The following DOCK4 variants were observed in gnomAD, a reference collection of about 807,000 sequenced individuals.
DOCK4 encodes dedicator of cytokinesis 4, also known as dedicator of cytokinesis protein 4.
DOCK4 carries 97 observed loss-of-function variants against 268.1 expected under a neutral mutation model. The observed-to-expected ratio is 0.36, with a 90% confidence interval of 0.31 to 0.43. The LOEUF (loss-of-function observed/expected upper bound fraction) is 0.43, where lower values mean the gene tolerates loss of function less well. DOCK4 is among the 20% of genes least tolerant of loss of function. DOCK4 has a pLI of 1.00. For synonymous variants in DOCK4, 954 were observed against 887.2 expected, an observed-to-expected ratio of 1.08 and a Z score of -1.34; for missense variants, 2,145 against 2,455.7, an observed-to-expected ratio of 0.87 and a Z score of 2.67.
chr7:111,731,168 T>G (rs555116944), intron 52 of DOCK4, among the ~76,000 whole-genome samples: 60 of 152,190 alleles, frequency 3.9e-4, no homozygotes, highest in Non-Finnish European at 7.5e-4. Context: ...AACGAGCAAA[T>G]CACTTGCACT....
chr7:111,746,129 G>A (rs1203873648), intron 44 of DOCK4, among the ~76,000 whole-genome samples: 2 of 152,150 alleles, frequency 1.3e-5, no homozygotes, highest in African/African-American at 4.8e-5. Context: ...GGCTGCCATA[G>A]TCTACTCATT....
chr7:112,051,054 G>A (rs1000076370), intron 1 of DOCK4, among the ~76,000 whole-genome samples: 2 of 152,056 alleles, frequency 1.3e-5, no homozygotes, highest in African/African-American at 4.8e-5. Flanking sequence ...AAAGAAGAGA[G>A]TATTAGGCAC....
chr7:111,944,926 CA>C, intron 9 of DOCK4, 55 bp from the exon 10 acceptor site: 3 of 1,418,050 alleles, frequency 2.1e-6, no homozygotes, highest in Non-Finnish European at 3.0e-6. Flanking sequence ...ACTTAAAGGG[CA>C]TAGCACTTTA....
At chr7:112,081,126 G>A (rs79571195) in intron 1 of DOCK4, among the ~76,000 whole-genome samples, 4,068 of 152,156 alleles carry the variant, frequency 0.027, 205 homozygotes, top group African/African-American at 0.094. Context: ...AGGAAGGCGG[G>A]TAGTGGTGCA....
intron 51 of DOCK4, among the ~76,000 whole-genome samples, chr7:111,734,776 C>T (rs1386439272): frequency 6.6e-6 from 1 of 152,100 alleles, no homozygotes; most frequent in East Asian, 1.9e-4. Context: ...TAGTGGCCTA[C>T]CAAGGTTAGG....
intron 5 of DOCK4, among the ~76,000 whole-genome samples, chr7:111,992,102 T>C (rs192368340): frequency 3.9e-5 from 6 of 152,206 alleles, no homozygotes; most frequent in African/African-American, 1.2e-4. Flanking sequence ...TGTGGTTACA[T>C]TACTGATTAT....
At chr7:111,948,985 G>A (rs933821309) in intron 8 of DOCK4, among the ~76,000 whole-genome samples, 1 of 151,250 alleles carries the variant, frequency 6.6e-6, no homozygotes, top group African/African-American at 2.4e-5. Flanking sequence ...AAAGATTTAA[G>A]AACTCAGCTT....
chr7:111,751,538 G>C (rs1211055194), intron 42 of DOCK4, among the ~76,000 whole-genome samples: 1 of 151,914 alleles, frequency 6.6e-6, no homozygotes, highest in Non-Finnish European at 1.5e-5. Context: ...TCCACCTTCT[G>C]GGTTCAAGCA....
chr7:111,979,785 G>A (rs1298985701), intron 7 of DOCK4, among the ~76,000 whole-genome samples: 2 of 152,184 alleles, frequency 1.3e-5, no homozygotes. Context: ...CACCAATCAT[G>A]ACATTCACAA....
chr7:112,079,981 G>A (rs955049591), intron 1 of DOCK4, among the ~76,000 whole-genome samples: 1 of 152,046 alleles, frequency 6.6e-6, no homozygotes, highest in Non-Finnish European at 1.5e-5. Flanking sequence ...CATTTTTAAT[G>A]TAATATAGCT....
intron 5 of DOCK4, among the ~76,000 whole-genome samples, chr7:111,991,347 G>A (rs29473): frequency 0.45 from 68,583 of 151,920 alleles, 15,802 homozygotes; most frequent in African/African-American, 0.51. Context: ...CTGAACATCT[G>A]GTCATAAAAT....
At position 111,931,314 on chromosome 7, in the gene DOCK4, C is replaced by T. The variant is rs546177062; in HGVS notation, c.1066+4226G>A. ...TTCATTCTTTGCAAAGGCTACAACA[C>T]GTAGCTTTTCATTTCAGTACAAAGG... On this transcript the variant is annotated intron_variant, in intron 12 of 52. Coordinates refer to ENST00000428084, the MANE Select transcript of DOCK4 (RefSeq NM_001363540.2). 5.9e-5 allele frequency among the ~76,000 whole-genome samples: 9 copies of T among 152,270 alleles called. No homozygotes were observed. The East Asian group carries it at 1.7e-3, about 29-fold the overall frequency.
In DOCK4 at chr7:112,007,871, C is replaced by T. The variant is rs79627803; in HGVS notation, c.38-3740G>A. On this transcript the variant is annotated intron_variant, in intron 1 of 52. Transcript: ENST00000428084. ...TTCAACTAAATCCCTTTAAATTTCTCCAAGTGTTTCTGCATGAAATACATC... is the reference window on the plus strand; with the variant it reads ...TTCAACTAAATCCCTTTAAATTTCTTCAAGTGTTTCTGCATGAAATACATC... Among the ~76,000 whole-genome samples, 695 of 152,262 alleles carry T rather than the reference C, an allele frequency of 4.6e-3. 8 individuals carry two copies. Among genetic ancestry groups the T allele is most frequent in the African/African-American group, 0.016 (651 of 41,566 alleles).
chr7:112,141,939 C>T (rs1814972566), intron 1 of DOCK4, among the ~76,000 whole-genome samples: 1 of 152,142 alleles, frequency 6.6e-6, no homozygotes, highest in Admixed American at 6.5e-5. Context: ...CAGAAATCCA[C>T]AGTTTTAAAA....
At chr7:112,068,018 A>ATGT (rs540166347) in intron 1 of DOCK4, among the ~76,000 whole-genome samples, 33,506 of 152,082 alleles carry the variant, frequency 0.22, 7,045 homozygotes, top group African/African-American at 0.54. Context: ...ATACAGAGCC[A>ATGT]AGAAAATTAT....
intron 51 of DOCK4, among the ~76,000 whole-genome samples, chr7:111,734,438 T>C (rs544110421): frequency 4.6e-5 from 7 of 152,328 alleles, no homozygotes; most frequent in African/African-American, 1.7e-4. Context: ...CCACTCACCT[T>C]GGTCTCCCAA....
At chr7:111,896,885 C>A (rs1322889708) in intron 15 of DOCK4, among the ~76,000 whole-genome samples, 1 of 152,084 alleles carries the variant, frequency 6.6e-6, no homozygotes, top group Non-Finnish European at 1.5e-5. Context: ...CTTTTAAAAT[C>A]ATTAATTTCA....
intron 8 of DOCK4, among the ~76,000 whole-genome samples, chr7:111,960,523 CTTTTTTT>C (rs753880464): frequency 3.8e-5 from 3 of 78,486 alleles, no homozygotes; most frequent in Admixed American, 3.2e-4. Context: ...ACCTCATGTG[CTTTTTTT>C]TTTTTTTTTT....
intron 31 of DOCK4, 47 bp downstream of exon 31, chr7:111,790,410 G>A: frequency 1.3e-6 from 2 of 1,598,602 alleles, no homozygotes. Context: ...AGATGCTTCA[G>A]GAGAGCTGAA....
Sources: gnomAD v4.1 joint callset for allele counts (sites outside exome capture counted in the v4.1 genomes callset) on GRCh38, gnomAD v4.1.1 for gene constraint, MANE v1.5 for transcripts, NCBI Gene and HGNC (gene_info 2026-07-23, HGNC 2026-07-21) for gene names.